Variants in MYRIP observed in about 807,000 individuals in gnomAD.
The protein encoded by MYRIP is rab effector MyRIP.
Under a neutral mutation model 98.0 loss-of-function variants are expected in MYRIP, and 49 were observed. The ratio of observed to expected loss-of-function variants is 0.50; its 90% CI spans 0.40 to 0.63. MYRIP has a LOEUF of 0.63. Ranked by LOEUF, MYRIP falls within the 30% of genes least tolerant of loss-of-function variation. MYRIP has a pLI of 0.00. For synonymous variants in MYRIP, 404 were observed against 409.5 expected (o/e 0.99, Z 0.16); for missense variants, 1,004 against 1,058.2 (o/e 0.95, Z 0.71).
chr3:40,171,184 C>A (rs1011740659), intron 8 of MYRIP, among the ~76,000 whole-genome samples: 2 of 151,950 alleles, frequency 1.3e-5, no homozygotes, highest in East Asian at 3.9e-4. Context: ...GCCATGCCCA[C>A]CGTCCAGAGC....
At chr3:40,041,004 AAG>A (rs1947508366) in intron 2 of MYRIP, among the ~76,000 whole-genome samples, 4 of 127,596 alleles carry the variant, frequency 3.1e-5, no homozygotes, top group South Asian at 2.4e-4. Context: ...GAAAAAAAAA[AAG>A]AAAATATTAC....
intron 8 of MYRIP, chr3:40,174,142 T>TG (rs1012270417): frequency 4.9e-4 from 75 of 152,338 alleles, no homozygotes; most frequent in African/African-American, 1.8e-3. Flanking sequence ...TCAAGGATAC[T>TG]GACACATACC....
intron 2 of MYRIP, among the ~76,000 whole-genome samples, chr3:39,978,164 G>C (rs1408864689): frequency 6.6e-6 from 1 of 152,138 alleles, no homozygotes; most frequent in Non-Finnish European, 1.5e-5. Context: ...CTTAACTGAT[G>C]CCCTTGAATT....
At chr3:40,143,559 G>T (rs1181369889) in intron 3 of MYRIP, among the ~76,000 whole-genome samples, 3 of 152,202 alleles carry the variant, frequency 2.0e-5, no homozygotes, top group Non-Finnish European at 4.4e-5. Flanking sequence ...CCCCAAGGAA[G>T]AGCTTCCAGA....
intron 1 of MYRIP, among the ~76,000 whole-genome samples, chr3:39,838,483 T>A (rs374543872): frequency 1.3e-5 from 2 of 152,322 alleles, no homozygotes; most frequent in African/African-American, 2.4e-5. Context: ...GTTCTTGTCA[T>A]TGGTTTTGTT....
At position 40,254,685 on chromosome 3, in the gene MYRIP, G is replaced by A. The variant is rs1953514798; in HGVS notation, c.2547+2686G>A. The stretch of plus-strand genomic sequence containing the variant: ...ACTGAAAGGAGAGGCAGGCTTGCAT[G>A]ACCCAGTTCTCAGCTTGACTTTTCC... On this transcript the variant is annotated intron_variant, in intron 16 of 16. Transcript: ENST00000302541. Among the ~76,000 whole-genome samples the A allele has an allele frequency of 2.6e-5, 4 of 152,252 alleles. No homozygotes were observed. The South Asian group carries it at 8.3e-4, about 32-fold the overall frequency.
chr3:40,036,668 C>A (rs754259897), intron 2 of MYRIP, among the ~76,000 whole-genome samples: 1 of 152,056 alleles, frequency 6.6e-6, no homozygotes, highest in African/African-American at 2.4e-5. Context: ...CATTTGCAAC[C>A]AGATGCACGA....
intron 1 of MYRIP, among the ~76,000 whole-genome samples, chr3:39,878,850 A>T (rs1301588039): frequency 6.6e-6 from 1 of 151,224 alleles, no homozygotes; most frequent in Non-Finnish European, 1.5e-5. Flanking sequence ...AGGTGAAGAG[A>T]TAGAGACCAT....
At chr3:39,953,789 A>T (rs1307430856) in intron 2 of MYRIP, among the ~76,000 whole-genome samples, 1 of 152,180 alleles carries the variant, frequency 6.6e-6, no homozygotes, top group Non-Finnish European at 1.5e-5. Context: ...AAGCCGTGAC[A>T]GATGGTACCT....
At chr3:39,962,504 A>G (rs1945347315) in intron 2 of MYRIP, among the ~76,000 whole-genome samples, 1 of 151,754 alleles carries the variant, frequency 6.6e-6, no homozygotes, top group African/African-American at 2.4e-5. Context: ...TTGAGGACCT[A>G]TAAAGTTCAT....
chr3:39,970,548 T>G (rs1424052797), intron 2 of MYRIP, among the ~76,000 whole-genome samples: 1 of 152,134 alleles, frequency 6.6e-6, no homozygotes, highest in Non-Finnish European at 1.5e-5. Context: ...ATTTCTACTT[T>G]TCCCCACTTA....
intron 12 of MYRIP, among the ~76,000 whole-genome samples, chr3:40,236,193 T>C (rs1037881205): frequency 2.6e-5 from 4 of 152,214 alleles, no homozygotes; most frequent in Non-Finnish European, 5.9e-5. Context: ...CAGTATTCAG[T>C]ACAGTAACAT....
At chr3:40,094,839 T>C (rs1304322490) in intron 3 of MYRIP, among the ~76,000 whole-genome samples, 1 of 152,254 alleles carries the variant, frequency 6.6e-6, no homozygotes, top group Non-Finnish European at 1.5e-5. Context: ...TTGCTGTTGC[T>C]TTCTGCTGAT....
intron 2 of MYRIP, among the ~76,000 whole-genome samples, chr3:39,955,625 A>G (rs960233132): frequency 2.6e-5 from 4 of 152,202 alleles, no homozygotes; most frequent in Non-Finnish European, 4.4e-5. Flanking sequence ...TCAACTAACA[A>G]GCAAAATAAC....
chr3:40,185,195 G>A (rs1355034945), intron 9 of MYRIP, among the ~76,000 whole-genome samples: 2 of 152,206 alleles, frequency 1.3e-5, no homozygotes, highest in African/African-American at 4.8e-5. Flanking sequence ...GAGCCTGTTC[G>A]TGCACAGTTG....
At chr3:39,951,372 A>T (rs1945010713) in intron 2 of MYRIP, among the ~76,000 whole-genome samples, 1 of 152,214 alleles carries the variant, frequency 6.6e-6, no homozygotes, top group South Asian at 2.1e-4. Context: ...TTCAGTTGGG[A>T]GTATTTTTTT....
chr3:39,822,673 C>A (rs1273822765), intron 1 of MYRIP, among the ~76,000 whole-genome samples: 1 of 152,140 alleles, frequency 6.6e-6, no homozygotes, highest in African/African-American at 2.4e-5. Context: ...TATCATTTAA[C>A]AATTCTCTCC....
At chr3:40,091,521 A>C (rs1429458297) in intron 3 of MYRIP, among the ~76,000 whole-genome samples, 1 of 152,224 alleles carries the variant, frequency 6.6e-6, no homozygotes, top group Non-Finnish European at 1.5e-5. Flanking sequence ...GGATTTCTCT[A>C]GTAAATAGTA....
chr3:39,891,105 CCAG>C (rs1943475486), intron 1 of MYRIP, among the ~76,000 whole-genome samples: 2 of 151,906 alleles, frequency 1.3e-5, no homozygotes, highest in African/African-American at 4.8e-5. Flanking sequence ...TCTTATTTTC[CCAG>C]TTGCTTTTTA....
Sources: allele counts gnomAD v4.1 joint callset (sites outside exome capture counted in the v4.1 genomes callset), GRCh38; gene constraint gnomAD v4.1.1; transcripts MANE v1.5; gene names NCBI Gene and HGNC (gene_info 2026-07-23, HGNC 2026-07-21).